The following LATS2 variants were observed in gnomAD, a reference collection of about 807,000 sequenced individuals.
LATS2 encodes serine/threonine-protein kinase LATS2.
LATS2 carries 24 observed loss-of-function variants against 76.0 expected under a neutral mutation model. The ratio of observed to expected loss-of-function variants is 0.32; its 90% CI spans 0.23 to 0.44. The LOEUF is 0.44. LATS2 is among the 20% of genes least tolerant of loss of function. The pLI is 1.00. For missense variants in LATS2, 1,286 were observed against 1,481.2 expected (o/e 0.87, Z 2.16); for synonymous variants, 692 against 635.4 (o/e 1.09, Z -1.34).
chr13:21,041,433 G>A (rs914260556), intron 2 of LATS2, among the ~76,000 whole-genome samples: 1 of 152,046 alleles, frequency 6.6e-6, no homozygotes, highest in African/African-American at 2.4e-5. Flanking sequence ...CAGTTTGTTT[G>A]TTTACATTTC....
chr13:21,007,907 G>A (rs890118447), intron 2 of LATS2, among the ~76,000 whole-genome samples: 39 of 147,238 alleles, frequency 2.6e-4, no homozygotes, highest in African/African-American at 9.0e-4. Flanking sequence ...TTACAGATGC[G>A]AATCATCACA....
chr13:21,061,176 G>A (rs1044442497), intron 1 of LATS2, among the ~76,000 whole-genome samples, 170 bp downstream of exon 1: 46 of 151,050 alleles, frequency 3.0e-4, no homozygotes, highest in Non-Finnish European at 5.2e-4. Flanking sequence ...GACCGTGGGG[G>A]CAGGGCGCAG....
intron 2 of LATS2, among the ~76,000 whole-genome samples, chr13:21,017,718 G>C (rs777979479): frequency 3.3e-5 from 5 of 151,660 alleles, no homozygotes; most frequent in Admixed American, 6.6e-5. Context: ...CTCCGTCTCC[G>C]GGGTTCAAGT....
intron 2 of LATS2, among the ~76,000 whole-genome samples, chr13:21,004,415 C>G (rs745355677): frequency 7.9e-6 from 1 of 126,504 alleles, no homozygotes; most frequent in Non-Finnish European, 1.6e-5. Context: ...GCCTGGGCAA[C>G]AAGAGCGAAA....
intron 2 of LATS2, among the ~76,000 whole-genome samples, chr13:21,038,961 AGAGT>A (rs1323359390): frequency 4.6e-5 from 7 of 152,262 alleles, no homozygotes; most frequent in Non-Finnish European, 1.0e-4. Context: ...GCCTAGGCAC[AGAGT>A]GAGATTCCAT....
At chr13:20,980,040 T>C (rs1014181248) in intron 6 of LATS2, among the ~76,000 whole-genome samples, 3 of 152,232 alleles carry the variant, frequency 2.0e-5, no homozygotes, top group Non-Finnish European at 4.4e-5. Context: ...TACTTTTTAA[T>C]TTAAAAAGAT....
Position 20,991,504 on chromosome 13 carries a change from C to T in LATS2, c.343-100G>A, listed in dbSNP as rs1448607829. The T allele has an allele frequency of 2.5e-5, 34 of 1,352,312 alleles. No individual in the cohort carries two copies. In the East Asian group the frequency reaches 3.5e-4, roughly 14 times the overall value. 83.8% of individuals were successfully genotyped at this position (1,352,312 alleles called of 1,614,324 possible). ...CGTGCTGGACTGTGCTGGGACACTT[C>T]GCCTCTGTACTGCTGAGAACCTGCG... On this transcript the variant is annotated intron_variant, in intron 2 of 7. Coordinates refer to ENST00000382592, the MANE Select transcript of LATS2 (RefSeq NM_014572.3). The surrounding 1 kb of genome is among the most constrained non-coding windows in gnomAD (Gnocchi z 4.9).
At chr13:21,019,458 C>T (rs1336731876) in intron 2 of LATS2, among the ~76,000 whole-genome samples, 1 of 148,564 alleles carries the variant, frequency 6.7e-6, no homozygotes, top group Non-Finnish European at 1.5e-5. Context: ...TCCCAAGTAG[C>T]TGGAACTACA....
chr13:20,988,794 T>C lies in LATS2; in HGVS notation c.986A>G (p.His329Arg). 6.3e-7 allele frequency: 1 copy of C among 1,594,322 alleles called. No homozygotes were observed. The highest frequency in any genetic ancestry group is 8.5e-7 in the Non-Finnish European group (1 of 1,176,318). Reference protein sequence around the residue: ...KQAGPAAHQLHVLGSRSQVFA... With the variant: ...KQAGPAAHQLRVLGSRSQVFA... ...CACCTGGCTGCGGGAGCCCAGCACA[T>C]GCAGCTGGTGGGCCGCGGGACCGGC... The change falls in exon 4 of 8, where the codon CAT becomes CGT. Residue 329 changes from histidine to arginine, a missense_variant. By Grantham distance (29) the His-to-Arg change is conservative (BLOSUM62 0). Coordinates refer to ENST00000382592, the MANE Select transcript of LATS2 (RefSeq NM_014572.3).
chr13:20,987,837 G>C (rs1447621406), intron 4 of LATS2, 44 bp downstream of exon 4: 2 of 1,586,346 alleles, frequency 1.3e-6, no homozygotes, highest in Non-Finnish European at 1.7e-6. Context: ...TGCCAGTAGA[G>C]GGATGAGCCG....
intron 3 of LATS2, among the ~76,000 whole-genome samples, chr13:20,989,555 G>T (rs1870416852): frequency 6.6e-6 from 1 of 152,208 alleles, no homozygotes; most frequent in African/African-American, 2.4e-5. Flanking sequence ...AAGGGCAGAA[G>T]AGAAGACTGC....
At chr13:21,032,362 G>C (rs905456861) in intron 2 of LATS2, among the ~76,000 whole-genome samples, 1 of 152,074 alleles carries the variant, frequency 6.6e-6, no homozygotes, top group African/African-American at 2.4e-5. Flanking sequence ...GCCTCCCCCG[G>C]GTTCAAGCAA....
chr13:21,055,781 G>A (rs1873428854), intron 1 of LATS2, among the ~76,000 whole-genome samples: 1 of 152,196 alleles, frequency 6.6e-6, no homozygotes, highest in African/African-American at 2.4e-5. Flanking sequence ...TAAAATTCCA[G>A]CTATTATTTA....
At chr13:21,028,397 C>T (rs991194966) in intron 2 of LATS2, among the ~76,000 whole-genome samples, 6 of 152,086 alleles carry the variant, frequency 3.9e-5, no homozygotes, top group African/African-American at 1.4e-4. Context: ...CATATGTGTG[C>T]ATGTGTCTTT....
intron 2 of LATS2, among the ~76,000 whole-genome samples, chr13:21,020,708 G>C (rs1382104751): frequency 6.6e-6 from 1 of 152,174 alleles, no homozygotes; most frequent in Non-Finnish European, 1.5e-5. Flanking sequence ...GGGCTAAAAG[G>C]TTGAAAATGG....
intron 2 of LATS2, among the ~76,000 whole-genome samples, chr13:21,028,843 C>T (rs952535981): frequency 2.6e-5 from 4 of 152,182 alleles, no homozygotes; most frequent in African/African-American, 7.2e-5. Context: ...ACTGAGATTA[C>T]AGGTGTGAGC....
chr13:21,031,776 C>G lies in LATS2; in HGVS notation c.342+13909G>C, dbSNP rs566739368. On this transcript the variant is annotated intron_variant, in intron 2 of 7. Coordinates refer to ENST00000382592, the MANE Select transcript of LATS2 (RefSeq NM_014572.3). Reference sequence around the variant, plus strand: ...TTCAGAAGCTGAGATGGGAGGATTGCTTGAGCCCGGGAAGGCTGCAGTGAG... The same window carrying G: ...TTCAGAAGCTGAGATGGGAGGATTGGTTGAGCCCGGGAAGGCTGCAGTGAG... Among the ~76,000 whole-genome samples the G allele has an allele frequency of 2.6e-4, 39 of 152,234 alleles. No individual in the cohort carries two copies. In the South Asian group the frequency reaches 7.7e-3, roughly 30 times the overall value.
chr13:21,007,602 AGTGTG>A lies in LATS2; in HGVS notation c.343-16203_343-16199del, dbSNP rs1477560394. On this transcript the variant is annotated intron_variant, in intron 2 of 7. Coordinates refer to ENST00000382592, the MANE Select transcript of LATS2 (RefSeq NM_014572.3). The stretch of plus-strand genomic sequence containing the variant: ...ATATATATATAGTATATATATATAT[AGTGTG>A]TATATATATATATAGTGTATATATA... Among the ~76,000 whole-genome samples the A allele has an allele frequency of 4.8e-3, 12 of 2,476 alleles. 2 individuals carry two copies. Among genetic ancestry groups the A allele is most frequent in the African/African-American group, 0.013 (7 of 538 alleles). The allele number at this position is 2,476 out of a possible 152,430, so 1.6% of individuals were successfully genotyped here.
At chr13:20,997,387 T>C (rs1194799922) in intron 2 of LATS2, among the ~76,000 whole-genome samples, 1 of 152,182 alleles carries the variant, frequency 6.6e-6, no homozygotes, top group Non-Finnish European at 1.5e-5. Flanking sequence ...TGCTATCTGA[T>C]ATAGAAAGGA....
Sources: allele counts gnomAD v4.1 joint callset (sites outside exome capture counted in the v4.1 genomes callset), GRCh38; gene constraint gnomAD v4.1.1; non-coding constraint Gnocchi (gnomAD v3.1); transcripts MANE v1.5; gene names NCBI Gene and HGNC (gene_info 2026-07-23, HGNC 2026-07-21).